The following BBS9 variants were observed in gnomAD, a reference collection of about 807,000 sequenced individuals.
The protein encoded by BBS9 is protein PTHB1.
BBS9 carries 89 observed loss-of-function variants against 117.7 expected under a neutral mutation model. The observed-to-expected ratio is 0.76, with a 90% CI of 0.64 to 0.90. BBS9 has a LOEUF of 0.90. Ranked by LOEUF, BBS9 falls within the 40% of genes least tolerant of loss-of-function variation. The probability of loss-of-function intolerance (pLI) is 0.00; values close to 1 mark genes in which losing one functional copy is unlikely to be tolerated. For missense variants in BBS9, 982 were observed against 1,042.2 expected, an observed-to-expected ratio of 0.94 and a Z score of 0.80; for synonymous variants, 379 against 370.9, an observed-to-expected ratio of 1.02 and a Z score of -0.25.
intron 21 of BBS9, among the ~76,000 whole-genome samples, chr7:33,535,801 AAGAG>A (rs776949979): frequency 2.0e-5 from 3 of 151,968 alleles, no homozygotes; most frequent in Non-Finnish European, 1.5e-5. Flanking sequence ...TTTTACAAAA[AAGAG>A]AGAGAGAGAA....
intron 21 of BBS9, among the ~76,000 whole-genome samples, chr7:33,576,611 C>G (rs940685381): frequency 6.6e-6 from 1 of 152,066 alleles, no homozygotes; most frequent in Admixed American, 6.6e-5. Context: ...CAATCCTAAG[C>G]AAAAAGAACA....
At chr7:33,288,786 A>T (rs533573113) in intron 9 of BBS9, among the ~76,000 whole-genome samples, 1 of 152,336 alleles carries the variant, frequency 6.6e-6, no homozygotes, top group South Asian at 2.1e-4. Flanking sequence ...TTGTATCATT[A>T]TGTGCCAGGC....
chr7:33,145,598 G>A (rs921842595), intron 1 of BBS9, among the ~76,000 whole-genome samples: 2 of 152,116 alleles, frequency 1.3e-5, no homozygotes, highest in African/African-American at 4.8e-5. Context: ...CCAGTTCCAG[G>A]GCTAGTCACT....
chr7:33,262,501 A>C (rs1389254316), intron 6 of BBS9, among the ~76,000 whole-genome samples: 1 of 152,178 alleles, frequency 6.6e-6, no homozygotes, highest in African/African-American at 2.4e-5. Context: ...GGGAATAGGA[A>C]AACAATCCTA....
chr7:33,393,563 G>C (rs1233029827), intron 19 of BBS9, among the ~76,000 whole-genome samples: 1 of 152,066 alleles, frequency 6.6e-6, no homozygotes, highest in African/African-American at 2.4e-5. Context: ...AAGACACCTG[G>C]GAGTTCAGAT....
chr7:33,587,247 C>T (rs1985080), intron 21 of BBS9, among the ~76,000 whole-genome samples: 61,122 of 151,766 alleles, frequency 0.4, 16,976 homozygotes, highest in African/African-American at 0.79. Context: ...GAGCCACTTA[C>T]CCTCATTCCC....
intron 5 of BBS9, among the ~76,000 whole-genome samples, chr7:33,201,360 T>C (rs9791901): frequency 0.093 from 14,106 of 152,104 alleles, 700 homozygotes; most frequent in South Asian, 0.14. Context: ...CCATAGACTT[T>C]TTATTTTTAT....
intron 5 of BBS9, among the ~76,000 whole-genome samples, chr7:33,184,163 CA>C (rs777980473): frequency 1.3e-5 from 2 of 151,944 alleles, no homozygotes; most frequent in African/African-American, 2.4e-5. Context: ...GCATTGCCTG[CA>C]GTGGGGTGGG....
intron 21 of BBS9, among the ~76,000 whole-genome samples, chr7:33,576,790 A>G (rs1858971415): frequency 6.6e-6 from 1 of 152,242 alleles, no homozygotes; most frequent in Admixed American, 6.5e-5. Context: ...AAACCTGACA[A>G]AAACAAGAAA....
intron 21 of BBS9, among the ~76,000 whole-genome samples, chr7:33,578,383 G>A (rs999025060): frequency 2.0e-5 from 3 of 152,218 alleles, no homozygotes; most frequent in Admixed American, 6.5e-5. Flanking sequence ...GGGATGACTT[G>A]CGATCCCAGA....
At chr7:33,135,224 G>T (rs1215468146) in intron 1 of BBS9, among the ~76,000 whole-genome samples, 2 of 152,126 alleles carry the variant, frequency 1.3e-5, no homozygotes. Context: ...CGTTTCTGGT[G>T]TCAAATCTAA....
chr7:33,558,036 A>G (rs376042336), intron 21 of BBS9, among the ~76,000 whole-genome samples: 11 of 152,360 alleles, frequency 7.2e-5, no homozygotes, highest in Admixed American at 2.0e-4. Flanking sequence ...GAACAAATTG[A>G]ACATATTTAA....
chr7:33,616,675 C>CT (rs1389756821), intron 21 of BBS9, among the ~76,000 whole-genome samples: 3 of 151,414 alleles, frequency 2.0e-5, no homozygotes, highest in Non-Finnish European at 2.9e-5. Flanking sequence ...TTAATAGTCA[C>CT]TTTGGGTTTT....
At chr7:33,530,291 C>T (rs1850374802) in intron 20 of BBS9, among the ~76,000 whole-genome samples, 1 of 152,172 alleles carries the variant, frequency 6.6e-6, no homozygotes, top group South Asian at 2.1e-4. Flanking sequence ...ATGCCAAATA[C>T]CTAAACATGA....
At chr7:33,178,677 A>T (rs1467909561) in intron 5 of BBS9, among the ~76,000 whole-genome samples, 1 of 152,056 alleles carries the variant, frequency 6.6e-6, no homozygotes, top group Non-Finnish European at 1.5e-5. Flanking sequence ...TCCTGGACTC[A>T]TGTTTTATGA....
chr7:33,265,494 G>T (rs1798657143), intron 7 of BBS9, among the ~76,000 whole-genome samples: 1 of 152,064 alleles, frequency 6.6e-6, no homozygotes. Flanking sequence ...CAGCAAGTTT[G>T]TTAGCCTTAC....
chr7:33,438,017 C>G (rs1835575358), intron 19 of BBS9, among the ~76,000 whole-genome samples: 1 of 152,158 alleles, frequency 6.6e-6, no homozygotes, highest in East Asian at 1.9e-4. Flanking sequence ...TTTCGTAATT[C>G]TAACTCACTG....
At chr7:33,251,626 T>C (rs1796240378) in intron 5 of BBS9, among the ~76,000 whole-genome samples, 2 of 152,244 alleles carry the variant, frequency 1.3e-5, no homozygotes, top group African/African-American at 2.4e-5. Flanking sequence ...TAAACATTAA[T>C]ACAACATGTA....
intron 19 of BBS9, among the ~76,000 whole-genome samples, chr7:33,467,281 T>C (rs1401762604): frequency 6.6e-6 from 1 of 152,098 alleles, no homozygotes; most frequent in Non-Finnish European, 1.5e-5. Context: ...TTAGTTCTAG[T>C]TTGTTTACTA....
Sources: allele counts gnomAD v4.1 joint callset (sites outside exome capture counted in the v4.1 genomes callset), GRCh38; gene constraint gnomAD v4.1.1; transcripts MANE v1.5; gene names NCBI Gene and HGNC (gene_info 2026-07-23, HGNC 2026-07-21).